The following ACADM variants were observed in gnomAD, a reference collection of about 807,000 sequenced individuals.
ACADM encodes acyl-CoA dehydrogenase medium chain, also known as medium-chain specific acyl-CoA dehydrogenase, mitochondrial.
ACADM carries 49 observed loss-of-function variants against 58.9 expected under a neutral mutation model. That is an observed-to-expected ratio of 0.83 (90% CI 0.66 to 1.06). ACADM has a LOEUF of 1.06. Ranked by LOEUF, ACADM falls within the 50% of genes least tolerant of loss-of-function variation. ACADM has a pLI of 0.00. For missense variants in ACADM, 496 were observed against 507.0 expected (o/e 0.98, Z 0.21); for synonymous variants, 160 against 157.7 (o/e 1.01, Z -0.11).
chr1:75,735,453 A>G (rs987902288), intron 6 of ACADM, among the ~76,000 whole-genome samples: 3 of 152,100 alleles, frequency 2.0e-5, no homozygotes, highest in African/African-American at 7.2e-5. Flanking sequence ...AGAGAGCTCT[A>G]TTTAGTGGAG....
At chr1:75,728,724 C>A (rs112058958) in intron 2 of ACADM, among the ~76,000 whole-genome samples, 1 of 152,120 alleles carries the variant, frequency 6.6e-6, no homozygotes, top group African/African-American at 2.4e-5. Flanking sequence ...ACTTAAATTC[C>A]TTCCTTTTTT....
chr1:75,745,076 A>G (rs1345064077), intron 7 of ACADM, among the ~76,000 whole-genome samples: 1 of 152,178 alleles, frequency 6.6e-6, no homozygotes, highest in African/African-American at 2.4e-5. Flanking sequence ...CCCTGTATAT[A>G]CTATGTTTTT....
intron 10 of ACADM, chr1:75,750,751 A>C (rs1432525869): frequency 2.0e-6 from 1 of 504,352 alleles, no homozygotes; most frequent in Non-Finnish European, 3.5e-6. Flanking sequence ...TGTGCTATGC[A>C]TTTTTTTTTT....
intron 1 of ACADM, among the ~76,000 whole-genome samples, chr1:75,725,591 A>T (rs959304534): frequency 2.0e-5 from 3 of 151,982 alleles, no homozygotes; most frequent in Non-Finnish European, 4.4e-5. Context: ...GGAAGGATCT[A>T]AAAAAAACCT....
intron 6 of ACADM, among the ~76,000 whole-genome samples, chr1:75,739,574 C>T (rs1647450986): frequency 6.6e-6 from 1 of 152,120 alleles, no homozygotes; most frequent in Admixed American, 6.6e-5. Flanking sequence ...GAGGCTGAGG[C>T]AGAGGATTGC....
intron 1 of ACADM, among the ~76,000 whole-genome samples, chr1:75,727,047 C>T (rs1180006940): frequency 1.3e-5 from 2 of 152,062 alleles, no homozygotes; most frequent in Non-Finnish European, 2.9e-5. Flanking sequence ...TCGTGATCCG[C>T]CCACCTCAGC....
At chr1:75,743,968 A>C in intron 7 of ACADM, 1 of 1,553,822 alleles carries the variant, frequency 6.4e-7, no homozygotes, top group Non-Finnish European at 8.9e-7. Context: ...TTTCTTCAAA[A>C]AAGCCTCTTT....
rs886042087 is a variant in ACADM, at chr1:75,734,824, CAAA to C, written c.423_425del (p.Lys144del). On this transcript the variant is annotated inframe_deletion, in exon 6 of 12. Coordinates refer to ENST00000370841, the MANE Select transcript of ACADM (RefSeq NM_000016.6). ...TATTATTATTGCTGGAAATGATCAA[CAAA>C]AGAAGAAGTATTTGGGGAGAATGAC... is the stretch of plus-strand genomic sequence containing the variant. 4 of 1,613,606 alleles carry C rather than the reference CAAA, an allele frequency of 2.5e-6. No individual in the cohort carries two copies. In the African/African-American group the frequency reaches 5.3e-5, roughly 22 times the overall value.
At chr1:75,751,194 G>A (rs1648182126) in intron 10 of ACADM, among the ~76,000 whole-genome samples, 1 of 151,224 alleles carries the variant, frequency 6.6e-6, no homozygotes, top group South Asian at 2.1e-4. Context: ...ACAAAAATTA[G>A]CCGAGCATGG....
At chr1:75,761,010 C>T in intron 10 of ACADM, 112 bp from the exon 11 acceptor site, 1 of 1,092,590 alleles carries the variant, frequency 9.2e-7, no homozygotes, top group Admixed American at 2.2e-5. Flanking sequence ...AGTTGCAGAC[C>T]AGCCTGGGCA....
chr1:75,746,965 G>A (rs1387146796), intron 8 of ACADM, among the ~76,000 whole-genome samples: 2 of 152,256 alleles, frequency 1.3e-5, no homozygotes, highest in South Asian at 2.1e-4. Context: ...ACCCAGTATA[G>A]TTTCTGATAC....
At position 75,763,344 on chromosome 1, in the gene ACADM, T is replaced by TA. The variant is rs1235592428; in HGVS notation, c.*582dup. The TA allele has an allele frequency of 5.3e-5, 8 of 152,292 alleles. No individual in the cohort carries two copies. Among genetic ancestry groups the TA allele is most frequent in the African/African-American group, 1.9e-4 (8 of 41,468 alleles). The allele number at this position is 152,292 out of a possible 1,614,324, so 9.4% of individuals were successfully genotyped here. On this transcript the variant is annotated 3_prime_UTR_variant, in exon 12 of 12. Transcript: ENST00000370841. Reference sequence around the variant, plus strand: ...TTTAATTCTGAGCCCATATTTCACTTACCTTATTTAAAATAAATCAATAAA... The same window carrying TA: ...TTTAATTCTGAGCCCATATTTCACTTAACCTTATTTAAAATAAATCAATAAA...
intron 10 of ACADM, among the ~76,000 whole-genome samples, chr1:75,759,887 C>CCAACCT (rs1356590829): frequency 6.6e-6 from 1 of 151,816 alleles, no homozygotes; most frequent in Non-Finnish European, 1.5e-5. Flanking sequence ...TCTCAAACTC[C>CCAACCT]CAACCTCAGG....
chr1:75,744,377 CT>C, intron 7 of ACADM: 1 of 1,558,264 alleles, frequency 6.4e-7, no homozygotes, highest in Non-Finnish European at 8.9e-7. Context: ...CCTCCTTCGA[CT>C]TTTCCCCCAT....
At chr1:75,739,959 T>G in intron 6 of ACADM, 21 bp from the exon 7 acceptor site, 1 of 1,572,802 alleles carries the variant, frequency 6.4e-7, no homozygotes, top group Non-Finnish European at 8.6e-7. Flanking sequence ...ATTTCATTTC[T>G]CTTGTTTTTA....
intron 7 of ACADM, chr1:75,744,305 C>G: frequency 6.2e-7 from 1 of 1,613,544 alleles, no homozygotes; most frequent in Non-Finnish European, 8.5e-7. Flanking sequence ...GCAGCAGGAG[C>G]TTCAGCCGGC....
intron 10 of ACADM, among the ~76,000 whole-genome samples, chr1:75,753,665 AT>A (rs907745342): frequency 4.6e-5 from 7 of 151,340 alleles, no homozygotes; most frequent in African/African-American, 1.7e-4. Flanking sequence ...AATTCTAAAG[AT>A]TTTTTTCTTA....
At chr1:75,741,698 T>G (rs1647576765) in intron 7 of ACADM, among the ~76,000 whole-genome samples, 1 of 152,220 alleles carries the variant, frequency 6.6e-6, no homozygotes, top group South Asian at 2.1e-4. Context: ...TTTTTACGAT[T>G]TTGTTACTAT....
At chr1:75,731,082 CGAGATCCTG>C (rs1647140333) in intron 2 of ACADM, among the ~76,000 whole-genome samples, 1 of 151,280 alleles carries the variant, frequency 6.6e-6, no homozygotes, top group South Asian at 2.1e-4. Flanking sequence ...GTCAGAAGAT[CGAGATCCTG>C]GTGAAACCCC....
Sources: allele counts gnomAD v4.1 joint callset (sites outside exome capture counted in the v4.1 genomes callset), GRCh38; gene constraint gnomAD v4.1.1; transcripts MANE v1.5; gene names NCBI Gene and HGNC (gene_info 2026-07-23, HGNC 2026-07-21).